Variants in SV2C observed in about 807,000 individuals in gnomAD.
SV2C encodes the protein solute carrier family 22 member B3.
In SV2C, 49 loss-of-function variants were observed where a neutral mutation model predicts 79.7. The observed-to-expected ratio is 0.61, with a 90% CI of 0.49 to 0.78. The LOEUF (loss-of-function observed/expected upper bound fraction) is 0.78. Ranked by LOEUF, SV2C falls within the 30% of genes least tolerant of loss-of-function variation. SV2C has a pLI of 0.00. For missense variants in SV2C, 833 were observed against 912.9 expected (o/e 0.91, Z 1.13); for synonymous variants, 334 against 333.2 (o/e 1.00, Z -0.03).
chr5:75,992,504 C>T, the SV2C span, among the ~76,000 whole-genome samples: 1 of 152,096 alleles, frequency 6.6e-6, no homozygotes, highest in African/African-American at 2.4e-5. Flanking sequence ...AATTTTACTG[C>T]TGTGTCTTCA....
intron 12 of SV2C, among the ~76,000 whole-genome samples, chr5:76,317,729 C>T (rs1748679169): frequency 6.6e-6 from 1 of 152,120 alleles, no homozygotes; most frequent in African/African-American, 2.4e-5. Context: ...ACTCGAGAGG[C>T]TGAGGAGGAG....
chr5:76,317,441 CAACACACACACACATA>C (rs1748663518), intron 12 of SV2C, among the ~76,000 whole-genome samples: 1 of 150,998 alleles, frequency 6.6e-6, no homozygotes, highest in South Asian at 2.1e-4. Flanking sequence ...CCACCCCCCC[CAACACACACACACATA>C]CACACACACA....
At chr5:76,266,354 C>A (rs914751578) in intron 4 of SV2C, among the ~76,000 whole-genome samples, 1 of 152,076 alleles carries the variant, frequency 6.6e-6, no homozygotes, top group Non-Finnish European at 1.5e-5. Flanking sequence ...ACTACAAGCA[C>A]GTGCCACCAC....
rs1294543302 is a variant in SV2C, at chr5:76,348,930, C to G, written c.2001-4200C>G. The stretch of plus-strand genomic sequence containing the variant: ...CAGAGAACAGCTTGAACCCAGGAGG[C>G]AGAGTTTGCAGCGAGCCGAGACCAT... On this transcript the variant is annotated intron_variant, in intron 12 of 12. Coordinates refer to the SV2C transcript ENST00000322285. Among the ~76,000 whole-genome samples, 10 of 151,998 alleles carry G rather than the reference C, an allele frequency of 6.6e-5. No homozygotes were observed. The East Asian group carries it at 1.7e-3, about 27-fold the overall frequency.
the SV2C span, among the ~76,000 whole-genome samples, chr5:76,037,536 G>A: frequency 6.6e-6 from 1 of 152,168 alleles, no homozygotes; most frequent in Non-Finnish European, 1.5e-5. Context: ...CTGCTGGGGG[G>A]TGCCTCCCAG....
the SV2C span, among the ~76,000 whole-genome samples, chr5:75,952,629 C>T: frequency 6.6e-6 from 1 of 151,686 alleles, no homozygotes; most frequent in African/African-American, 2.4e-5. Context: ...AGTCTGAGAC[C>T]TCCTCCTTCT....
chr5:76,188,071 G>A (rs1417595168), intron 2 of SV2C, among the ~76,000 whole-genome samples: 1 of 152,028 alleles, frequency 6.6e-6, no homozygotes, highest in African/African-American at 2.4e-5. Flanking sequence ...CCAGGCCTGG[G>A]CAATATGGTG....
At chr5:75,974,722 A>G in the SV2C span, among the ~76,000 whole-genome samples, 1 of 152,194 alleles carries the variant, frequency 6.6e-6, no homozygotes, top group African/African-American at 2.4e-5. Flanking sequence ...ATTTTATAAC[A>G]TCTAAGTTTT....
At chr5:76,049,736 A>G in the SV2C span, among the ~76,000 whole-genome samples, 2 of 152,294 alleles carry the variant, frequency 1.3e-5, no homozygotes. Flanking sequence ...TTTACATTAA[A>G]CACTTTCCCC....
chr5:76,206,433 C>T (rs1252855419), intron 3 of SV2C, among the ~76,000 whole-genome samples: 5 of 152,190 alleles, frequency 3.3e-5, no homozygotes, highest in Admixed American at 6.5e-5. Context: ...CAAGGGGTGA[C>T]CACAGCAACT....
chr5:76,115,234 G>T (rs1472770582), intron 1 of SV2C, among the ~76,000 whole-genome samples: 2 of 152,202 alleles, frequency 1.3e-5, no homozygotes, highest in African/African-American at 4.8e-5. Flanking sequence ...CCATCTTTGA[G>T]TCTAAGTAAT....
intron 2 of SV2C, among the ~76,000 whole-genome samples, chr5:76,141,895 GTTAA>G (rs1439266656): frequency 1.3e-5 from 2 of 148,482 alleles, no homozygotes; most frequent in Admixed American, 6.7e-5. Flanking sequence ...CAGTTGAATT[GTTAA>G]TTATCTAACA....
chr5:75,867,618 T>A, the SV2C span, among the ~76,000 whole-genome samples: 1 of 152,246 alleles, frequency 6.6e-6, no homozygotes, highest in Non-Finnish European at 1.5e-5. Context: ...GTTTTGTGAT[T>A]GTAAAGCATA....
the SV2C span, among the ~76,000 whole-genome samples, chr5:75,944,723 T>C: frequency 1.3e-5 from 2 of 152,102 alleles, no homozygotes; most frequent in African/African-American, 2.4e-5. Context: ...AATCATCTCT[T>C]TCTAGCAGAG....
the SV2C span, among the ~76,000 whole-genome samples, chr5:75,982,192 G>T: frequency 1.4e-5 from 2 of 148,062 alleles, no homozygotes; most frequent in Non-Finnish European, 3.0e-5. Context: ...TAACTAACCT[G>T]CACAATGTGC....
chr5:76,246,288 G>A (rs1745944386), intron 4 of SV2C, among the ~76,000 whole-genome samples: 1 of 152,040 alleles, frequency 6.6e-6, no homozygotes, highest in Non-Finnish European at 1.5e-5. Context: ...AAAATTACTG[G>A]CACTAAGAAA....
At chr5:76,206,444 A>G (rs903594460) in intron 3 of SV2C, among the ~76,000 whole-genome samples, 2 of 152,222 alleles carry the variant, frequency 1.3e-5, no homozygotes, top group African/African-American at 4.8e-5. Flanking sequence ...CACAGCAACT[A>G]AGGCATAGAG....
the SV2C span, among the ~76,000 whole-genome samples, chr5:75,954,230 T>G: frequency 2.6e-5 from 4 of 151,944 alleles, no homozygotes; most frequent in Non-Finnish European, 5.9e-5. Context: ...TTAAAAGGAC[T>G]ATGGAGTTGC....
intron 4 of SV2C, among the ~76,000 whole-genome samples, chr5:76,211,777 T>C (rs1744775520): frequency 6.6e-6 from 1 of 152,248 alleles, no homozygotes; most frequent in Non-Finnish European, 1.5e-5. Context: ...TAGATGTCTT[T>C]AACTTGTTTT....
Sources: gnomAD v4.1 joint callset for allele counts (sites outside exome capture counted in the v4.1 genomes callset) on GRCh38, gnomAD v4.1.1 for gene constraint, MANE v1.5 for transcripts, NCBI Gene and HGNC (gene_info 2026-07-23, HGNC 2026-07-21) for gene names.